OPCML: variants seen among roughly 807,000 people sequenced by gnomAD.
OPCML encodes the protein opioid-binding protein/cell adhesion molecule.
A neutral mutation model predicts 37.8 loss-of-function variants in OPCML; 13 were observed. The observed-to-expected ratio is 0.34, with a 90% CI of 0.22 to 0.55. The LOEUF is 0.55. OPCML is among the 20% of genes least tolerant of loss of function. The probability of loss-of-function intolerance (pLI) is 0.91; values close to 1 mark genes in which losing one functional copy is unlikely to be tolerated. For missense variants in OPCML, 341 were observed against 435.6 expected, an observed-to-expected ratio of 0.78 and a Z score of 1.93; for synonymous variants, 176 against 168.8, an observed-to-expected ratio of 1.04 and a Z score of -0.33.
chr11:133,265,960 A>G (rs1367136021), intron 1 of OPCML, among the ~76,000 whole-genome samples: 1 of 152,210 alleles, frequency 6.6e-6, no homozygotes, highest in Admixed American at 6.5e-5. Flanking sequence ...CTGTGAATAA[A>G]GTATTAATAG....
intron 4 of OPCML, among the ~76,000 whole-genome samples, chr11:132,484,161 C>T (rs1164341008): frequency 6.6e-6 from 1 of 152,104 alleles, no homozygotes; most frequent in Non-Finnish European, 1.5e-5. Flanking sequence ...TTTTTGCAAC[C>T]TACTCATCTG....
intron 2 of OPCML, among the ~76,000 whole-genome samples, chr11:132,687,551 T>A (rs1943220033): frequency 6.6e-6 from 1 of 151,340 alleles, no homozygotes; most frequent in African/African-American, 2.4e-5. Context: ...AATTATTTTT[T>A]AAAATATCTT....
chr11:133,482,504 G>A (rs1296651855), intron 1 of OPCML, among the ~76,000 whole-genome samples: 1 of 152,114 alleles, frequency 6.6e-6, no homozygotes, highest in African/African-American at 2.4e-5. Context: ...GGTAGGCAGT[G>A]GCCACAACCA....
At chr11:132,816,867 G>T (rs912954281) in intron 2 of OPCML, among the ~76,000 whole-genome samples, 2 of 152,220 alleles carry the variant, frequency 1.3e-5, no homozygotes, top group Admixed American at 1.3e-4. Flanking sequence ...AACAAGAAGA[G>T]CTTCAGTTCT....
At chr11:132,581,412 G>A (rs544091931) in intron 3 of OPCML, among the ~76,000 whole-genome samples, 2 of 152,300 alleles carry the variant, frequency 1.3e-5, no homozygotes, top group East Asian at 3.9e-4. Flanking sequence ...GCTCTCCTAT[G>A]TTTTGGTTTA....
chr11:132,782,921 A>ATATATATATATATATATATG, intron 2 of OPCML, among the ~76,000 whole-genome samples: 1 of 129,106 alleles, frequency 7.7e-6, no homozygotes, highest in Non-Finnish European at 1.6e-5. Flanking sequence ...GTGTGTGTAT[A>ATATATATATATATATATATG]TATATATATA....
chr11:133,137,888 T>G (rs1565465870), intron 1 of OPCML, among the ~76,000 whole-genome samples: 1 of 152,136 alleles, frequency 6.6e-6, no homozygotes. Flanking sequence ...CTAGAGAGGT[T>G]TGCAAACAGC....
intron 2 of OPCML, among the ~76,000 whole-genome samples, chr11:132,868,803 G>C (rs1433127840): frequency 6.6e-6 from 1 of 152,138 alleles, no homozygotes; most frequent in Non-Finnish European, 1.5e-5. Flanking sequence ...ACCTGGAGTG[G>C]ATTTAGGCTG....
intron 1 of OPCML, among the ~76,000 whole-genome samples, chr11:133,092,571 C>A (rs796685389): frequency 1.3e-5 from 2 of 152,070 alleles, no homozygotes; most frequent in African/African-American, 2.4e-5. Flanking sequence ...ACTAAAAATA[C>A]AAAAATTAGC....
chr11:133,378,571 G>C (rs1236070123), intron 1 of OPCML, among the ~76,000 whole-genome samples: 1 of 151,976 alleles, frequency 6.6e-6, no homozygotes, highest in Admixed American at 6.6e-5. Context: ...CTTTCATCTT[G>C]TAATTGTTTC....
chr11:133,154,021 G>A (rs1034262329), intron 1 of OPCML, among the ~76,000 whole-genome samples: 1 of 151,812 alleles, frequency 6.6e-6, no homozygotes, highest in Non-Finnish European at 1.5e-5. Flanking sequence ...TTAAAAGGAC[G>A]AAGGCAGATC....
chr11:133,002,189 T>C (rs1422371453), intron 1 of OPCML, among the ~76,000 whole-genome samples: 1 of 152,214 alleles, frequency 6.6e-6, no homozygotes, highest in Non-Finnish European at 1.5e-5. Flanking sequence ...CACTTTCCCT[T>C]AACTTATTCC....
chr11:133,513,752 C>A (rs1303175436), intron 1 of OPCML, among the ~76,000 whole-genome samples: 3 of 152,128 alleles, frequency 2.0e-5, no homozygotes, highest in Non-Finnish European at 4.4e-5. Flanking sequence ...TGCATAATGA[C>A]CTTGTAGAAT....
At chr11:132,425,210 A>G (rs1055117447) in intron 7 of OPCML, among the ~76,000 whole-genome samples, 1 of 152,252 alleles carries the variant, frequency 6.6e-6, no homozygotes, top group East Asian at 1.9e-4. Context: ...CACAAACTTC[A>G]GGAGGAGCTA....
intron 3 of OPCML, among the ~76,000 whole-genome samples, chr11:132,600,772 A>G (rs1937817049): frequency 6.6e-6 from 1 of 151,534 alleles, no homozygotes; most frequent in Admixed American, 6.6e-5. Context: ...ATATTTCATA[A>G]TTTTGAGTGA....
intron 3 of OPCML, among the ~76,000 whole-genome samples, chr11:132,602,228 G>A (rs941098934): frequency 6.6e-6 from 1 of 152,090 alleles, no homozygotes; most frequent in African/African-American, 2.4e-5. Flanking sequence ...ATTAATATTG[G>A]AGGAGAAAGG....
intron 2 of OPCML, among the ~76,000 whole-genome samples, chr11:132,791,642 C>T (rs1439432869): frequency 2.0e-5 from 3 of 152,140 alleles, no homozygotes; most frequent in Non-Finnish European, 2.9e-5. Flanking sequence ...TCAAAGTGAA[C>T]ATGGAGTATA....
At chr11:133,265,881 T>A (rs1006148096) in intron 1 of OPCML, among the ~76,000 whole-genome samples, 10 of 152,212 alleles carry the variant, frequency 6.6e-5, no homozygotes, top group Non-Finnish European at 1.5e-4. Flanking sequence ...TGAGACTTCA[T>A]GGCACATCTC....
intron 1 of OPCML, among the ~76,000 whole-genome samples, chr11:133,440,191 T>C (rs976721214): frequency 7.3e-5 from 11 of 151,688 alleles, no homozygotes; most frequent in African/African-American, 2.7e-4. Context: ...GGTCAGGAGT[T>C]TGAGACCAGC....
Sources: allele counts gnomAD v4.1 joint callset (sites outside exome capture counted in the v4.1 genomes callset), GRCh38; gene constraint gnomAD v4.1.1; transcripts MANE v1.5; gene names NCBI Gene and HGNC (gene_info 2026-07-23, HGNC 2026-07-21).